The following CEP290 variants were observed in gnomAD, a reference collection of about 807,000 sequenced individuals.
The protein encoded by CEP290 is centrosomal protein of 290 kDa.
CEP290 carries 317 observed loss-of-function variants against 344.9 expected under a neutral mutation model. That is an observed-to-expected ratio of 0.92 (90% confidence interval 0.84 to 1.01). The LOEUF (loss-of-function observed/expected upper bound fraction) is 1.01. Among genes scored for constraint, CEP290 ranks in the 50% least tolerant of loss-of-function variants. CEP290 has a pLI of 0.00. For missense variants in CEP290, 2,754 were observed against 2,761.4 expected, an observed-to-expected ratio of 1.00 and a Z score of 0.06; for synonymous variants, 932 against 895.8, an observed-to-expected ratio of 1.04 and a Z score of -0.72.
intron 13 of CEP290, among the ~76,000 whole-genome samples, chr12:88,123,171 G>C (rs1165135718): frequency 1.3e-5 from 2 of 151,968 alleles, no homozygotes; most frequent in Admixed American, 6.6e-5. Flanking sequence ...TATTGTTCCA[G>C]AAGTTCTCTC....
chr12:88,079,029 G>A (rs560598224), intron 39 of CEP290, 63 bp downstream of exon 39: 2 of 1,395,388 alleles, frequency 1.4e-6, no homozygotes, highest in Admixed American at 6.1e-5. Flanking sequence ...ATATATCATA[G>A]TGAATTCTCT....
intron 34 of CEP290, among the ~76,000 whole-genome samples, chr12:88,085,231 C>A (rs1264982042): frequency 6.6e-5 from 10 of 151,884 alleles, no homozygotes; most frequent in Non-Finnish European, 1.3e-4. Flanking sequence ...GGAGACTAAT[C>A]TATAAGTCAG....
intron 48 of CEP290, 62 bp downstream of exon 48, chr12:88,059,836 T>A: frequency 7.2e-7 from 1 of 1,396,810 alleles, no homozygotes; most frequent in Non-Finnish European, 9.6e-7. Flanking sequence ...TACTTCCAGT[T>A]TTTCCAAGAG....
intron 41 of CEP290, 40 bp downstream of exon 41, chr12:88,077,182 A>G (rs1405495527): frequency 6.4e-7 from 1 of 1,571,598 alleles, no homozygotes; most frequent in Non-Finnish European, 8.6e-7. Context: ...TTACTCTGTC[A>G]CTACCTTAAG....
In CEP290 at chr12:88,120,143, T is replaced by G; in HGVS notation, c.1493A>C (p.Asp498Ala). 6.5e-7 allele frequency: 1 copy of G among 1,547,552 alleles called. No individual in the cohort carries two copies. ...ACGCTCTCTAAGTGCCTCATTTTCA[T>G]CAAGGAAATCACTGATCTTCAATTC... ...KLELKISDFLDENEALRERVG... is the reference protein window; with the variant it reads ...KLELKISDFLAENEALRERVG... Residue 498 changes from aspartate (D) to alanine (A), a missense_variant, in exon 15 of 54, where the codon GAT becomes GCT. Coordinates refer to ENST00000552810, the MANE Select transcript of CEP290 (RefSeq NM_025114.4).
chr12:88,125,142 T>C (rs1210911786), intron 13 of CEP290, 104 bp downstream of exon 13: 2 of 387,158 alleles, frequency 5.2e-6, no homozygotes, highest in Non-Finnish European at 8.7e-6. Flanking sequence ...AATATAAAAT[T>C]CAAATGGAGA....
At chr12:88,136,937 T>C (rs2040385420) in intron 5 of CEP290, 151 bp from the exon 6 acceptor site, 2 of 772,648 alleles carry the variant, frequency 2.6e-6, no homozygotes, top group Non-Finnish European at 4.1e-6. Context: ...AACTTTTTTT[T>C]TTTTAATTTA....
At chr12:88,133,824 T>C (rs2040212253) in intron 6 of CEP290, among the ~76,000 whole-genome samples, 1 of 152,202 alleles carries the variant, frequency 6.6e-6, no homozygotes, top group Non-Finnish European at 1.5e-5. Flanking sequence ...ATAATCCCAC[T>C]GTGTTCTGAA....
chr12:88,105,461 G>A (rs985369457), intron 25 of CEP290, among the ~76,000 whole-genome samples: 1 of 152,136 alleles, frequency 6.6e-6, no homozygotes, highest in Non-Finnish European at 1.5e-5. Flanking sequence ...TTTGTAGTAG[G>A]AGCTAAACTT....
chr12:88,072,465 C>T (rs150018143), intron 41 of CEP290, among the ~76,000 whole-genome samples: 522 of 152,262 alleles, frequency 3.4e-3, no homozygotes, highest in Non-Finnish European at 5.0e-3. Context: ...ATTAGGAAAA[C>T]TGCTCTTTAG....
intron 27 of CEP290, among the ~76,000 whole-genome samples, chr12:88,095,716 A>G (rs1213139327): frequency 6.6e-6 from 1 of 152,194 alleles, no homozygotes; most frequent in East Asian, 1.9e-4. Flanking sequence ...AGTAATAAAA[A>G]CCTTGAATAG....
intron 39 of CEP290, 113 bp from the exon 40 acceptor site, chr12:88,078,031 A>C: frequency 4.1e-6 from 2 of 484,014 alleles, no homozygotes; most frequent in Non-Finnish European, 7.2e-6. Flanking sequence ...CTGAATTTTT[A>C]AGTACACAAG....
intron 39 of CEP290, among the ~76,000 whole-genome samples, chr12:88,078,601 A>G (rs2137072708): frequency 6.6e-6 from 1 of 152,272 alleles, no homozygotes; most frequent in Non-Finnish European, 1.5e-5. Flanking sequence ...ATGGATACAT[A>G]TCATTATACA....
At chr12:88,062,560 G>C (rs1284029458) in intron 46 of CEP290, 132 bp downstream of exon 46, 1 of 609,782 alleles carries the variant, frequency 1.6e-6, no homozygotes, top group East Asian at 2.8e-5. Context: ...TTATATTACA[G>C]ATGCAGAATA....
At chr12:88,100,088 C>T (rs1403351987) in intron 26 of CEP290, among the ~76,000 whole-genome samples, 3 of 151,814 alleles carry the variant, frequency 2.0e-5, no homozygotes, top group East Asian at 3.9e-4. Flanking sequence ...GAGACCAGCC[C>T]GGCCAACATG....
At chr12:88,129,549 A>T in intron 10 of CEP290, 145 bp downstream of exon 10, 2 of 515,926 alleles carry the variant, frequency 3.9e-6, no homozygotes, top group Non-Finnish European at 6.6e-6. Context: ...CATATGGACA[A>T]ATATACCAAC....
chr12:88,063,838 G>A (rs772004008), intron 45 of CEP290, 143 bp downstream of exon 45: 28 of 661,760 alleles, frequency 4.2e-5, no homozygotes, highest in Non-Finnish European at 6.2e-5. Context: ...AAATGCTAAA[G>A]AGCAAATGTA....
intron 49 of CEP290, among the ~76,000 whole-genome samples, chr12:88,056,439 A>C (rs895565094): frequency 6.6e-6 from 1 of 152,326 alleles, no homozygotes; most frequent in East Asian, 1.9e-4. Flanking sequence ...ATCTGCTAGG[A>C]TAATACAAGA....
At chr12:88,117,967 C>T (rs2039156559) in intron 17 of CEP290, among the ~76,000 whole-genome samples, 1 of 151,794 alleles carries the variant, frequency 6.6e-6, no homozygotes, top group South Asian at 2.1e-4. Flanking sequence ...ACCCGGGAGG[C>T]GGAGGTTGCA....
Sources: gnomAD v4.1 joint callset for allele counts (sites outside exome capture counted in the v4.1 genomes callset) on GRCh38, gnomAD v4.1.1 for gene constraint, MANE v1.5 for transcripts, NCBI Gene and HGNC (gene_info 2026-07-23, HGNC 2026-07-21) for gene names.